C22orf15: variants seen among roughly 807,000 people sequenced by gnomAD.
C22orf15 encodes the protein chromosome 22 open reading frame 15.
C22orf15 carries 21 observed loss-of-function variants against 20.3 expected under a neutral mutation model. The observed-to-expected ratio is 1.04, with a 90% CI of 0.74 to 1.49. The LOEUF (loss-of-function observed/expected upper bound fraction) is 1.49. Among genes scored for constraint, C22orf15 ranks in the 40% most tolerant of loss-of-function variants. The probability of loss-of-function intolerance (pLI) is 0.00; values close to 1 mark genes in which losing one functional copy is unlikely to be tolerated. For missense variants in C22orf15, 170 were observed against 191.1 expected, an observed-to-expected ratio of 0.89 and a Z score of 0.65; for synonymous variants, 78 against 75.4, an observed-to-expected ratio of 1.03 and a Z score of -0.18.
At position 23,765,028 on chromosome 22, in the gene C22orf15, G is replaced by A. The variant is rs541460829; in HGVS notation, c.435+126G>A. ...GCAGGACAGACACATATGATGAGGG[G>A]CAGACCCTCAACACCAACTCCACGC... On this transcript the variant is annotated intron_variant, in intron 5 of 5. Coordinates refer to ENST00000402217, the MANE Select transcript of C22orf15 (RefSeq NM_182520.3). 4.0e-6 allele frequency: 6 copies of A among 1,499,834 alleles called. No homozygotes were observed. The South Asian group carries it at 4.0e-5, about 10-fold the overall frequency. The allele number at this position is 1,499,834 out of a possible 1,614,324, so 92.9% of individuals were successfully genotyped here.
At position 23,765,716 on chromosome 22, in the gene C22orf15, C is replaced by T; in HGVS notation, c.436-5C>T. ...ATTGCAACAGGGCTCCTCCTCCCCACCCAGGGCCCTGATTAAGGGGATGGA... is the reference window on the plus strand; with the variant it reads ...ATTGCAACAGGGCTCCTCCTCCCCATCCAGGGCCCTGATTAAGGGGATGGA... On this transcript the variant is annotated splice_region_variant and splice_polypyrimidine_tract_variant and intron_variant, in intron 5 of 5. Transcript: ENST00000402217. 6.5e-7 allele frequency: 1 copy of T among 1,550,014 alleles called. No homozygotes were observed.
chr22:23,764,838 G>A lies in C22orf15; in HGVS notation c.371G>A (p.Trp124Ter). 1 of 1,613,956 alleles carries A rather than the reference G, an allele frequency of 6.2e-7. No homozygotes were observed. Among genetic ancestry groups the A allele is most frequent in the Middle Eastern group, 1.7e-4 (1 of 6,060 alleles). The change falls in exon 5 of 6, where the codon TGG becomes TAG. Residue 124 changes from tryptophan (W) to a stop codon, truncating the protein, a stop_gained. Coordinates refer to ENST00000402217, the MANE Select transcript of C22orf15 (RefSeq NM_182520.3). LOFTEE classifies it high-confidence loss of function. ...LSGLSSVGHN[W>*]RKRMGTRRGR... ...GGCCTCTCCTCTGTGGGCCACAACT[G>A]GAGGAAGCGTATGGGCACTCGGCGA...
intron 5 of C22orf15, 55 bp downstream of exon 5, chr22:23,764,957 G>A: frequency 6.4e-7 from 1 of 1,562,408 alleles, no homozygotes; most frequent in Non-Finnish European, 8.6e-7. Flanking sequence ...CAGGTACAGA[G>A]CAGATTTGGA....
At chr22:23,764,548 G>T (rs1791791253) in intron 3 of C22orf15, 91 bp from the exon 4 acceptor site, 2 of 1,562,650 alleles carry the variant, frequency 1.3e-6, no homozygotes, top group African/African-American at 2.7e-5. Flanking sequence ...TCTGCTCCCA[G>T]CCTGGACTAG....
intron 5 of C22orf15, chr22:23,765,305 C>T: frequency 6.5e-7 from 1 of 1,537,096 alleles, no homozygotes; most frequent in Admixed American, 2.0e-5. Context: ...GGACCTGGCA[C>T]ACTACTGCCA....
At chr22:23,765,393 A>C in intron 5 of C22orf15, 1 of 1,551,034 alleles carries the variant, frequency 6.4e-7, no homozygotes, top group Non-Finnish European at 8.7e-7. Context: ...ACAGACAACA[A>C]CCCAGCAGGA....
At position 23,764,136 on chromosome 22, in the gene C22orf15, C is replaced by T. The variant is rs1313558140; in HGVS notation, c.75C>T (p.Thr25=). Residue 25 remains threonine (T), a synonymous_variant, in exon 2 of 6, where the codon ACC becomes ACT. Coordinates refer to ENST00000402217, the MANE Select transcript of C22orf15 (RefSeq NM_182520.3). ...CCTCTTGCAGGCTGGTGAACCTCAC[C>T]GCCCACCTGAGGCAGAAAGCAGGGT... is the stretch of plus-strand genomic sequence containing the variant. ...VNTSCRLVNL[T]AHLRQKAGLP... 3.9e-6 allele frequency: 6 copies of T among 1,551,350 alleles called. No homozygotes were observed. The highest frequency in any genetic ancestry group is 3.5e-6 in the Non-Finnish European group (4 of 1,146,996).
intron 1 of C22orf15, 44 bp downstream of exon 1, chr22:23,763,375 C>A (rs1361618107): frequency 5.2e-6 from 8 of 1,535,410 alleles, no homozygotes; most frequent in Middle Eastern, 1.9e-4. Flanking sequence ...GGGGGATGAG[C>A]ACACTCAGAG....
At chr22:23,764,542 C>T (rs1926371085) in intron 3 of C22orf15, 97 bp from the exon 4 acceptor site, 1 of 1,561,562 alleles carries the variant, frequency 6.4e-7, no homozygotes, top group Non-Finnish European at 8.8e-7. Context: ...CAATGCTCTG[C>T]TCCCAGCCTG....
At chr22:23,764,736 G>A (rs776068105) in intron 4 of C22orf15, 23 bp downstream of exon 4, 2 of 1,614,156 alleles carry the variant, frequency 1.2e-6, no homozygotes, top group Non-Finnish European at 1.7e-6. Flanking sequence ...GTACAGCCCA[G>A]GGGGAGGGCA....
At chr22:23,764,031 C>T (rs1926184911) in intron 1 of C22orf15, 56 bp from the exon 2 acceptor site, 10 of 1,516,426 alleles carry the variant, frequency 6.6e-6, no homozygotes, top group African/African-American at 1.4e-5. Flanking sequence ...GACAGAGGAC[C>T]CCGATTTGGA....
intron 3 of C22orf15, 109 bp downstream of exon 3, chr22:23,764,506 G>A (rs1253291388): frequency 6.4e-7 from 1 of 1,569,222 alleles, no homozygotes; most frequent in African/African-American, 1.3e-5. Context: ...CCTCGGCTGG[G>A]GACCTAGCCC....
chr22:23,763,564 G>A (rs181650778), intron 1 of C22orf15, among the ~76,000 whole-genome samples: 1 of 152,248 alleles, frequency 6.6e-6, no homozygotes, highest in African/African-American at 2.4e-5. Flanking sequence ...GTTCCTCTCG[G>A]CCAGAGACCG....
intron 1 of C22orf15, 118 bp downstream of exon 1, chr22:23,763,449 A>G (rs1343862534): frequency 3.2e-6 from 3 of 928,560 alleles, no homozygotes; most frequent in Non-Finnish European, 4.6e-6. Flanking sequence ...GGTGGTGCAC[A>G]TGGCGGGGGT....
intron 5 of C22orf15, 175 bp downstream of exon 5, chr22:23,765,077 A>G (rs1453726239): frequency 1.4e-6 from 2 of 1,451,774 alleles, no homozygotes; most frequent in Admixed American, 2.7e-5. Context: ...GATGGAACAC[A>G]CTGTACCCTG....
intron 5 of C22orf15, chr22:23,765,158 G>A (rs1926557849): frequency 7.0e-7 from 1 of 1,435,390 alleles, no homozygotes; most frequent in Non-Finnish European, 9.1e-7. Context: ...CTTCACAGAT[G>A]TGGCATAGGG....
At chr22:23,763,710 C>A (rs1311010481) in intron 1 of C22orf15, among the ~76,000 whole-genome samples, 1 of 152,268 alleles carries the variant, frequency 6.6e-6, no homozygotes, top group East Asian at 1.9e-4. Flanking sequence ...TGGCTGGAGG[C>A]GGGTCGGCCC....
intron 5 of C22orf15, chr22:23,765,131 GC>G (rs1926552899): frequency 9.1e-6 from 13 of 1,435,214 alleles, no homozygotes; most frequent in Non-Finnish European, 1.0e-5. Flanking sequence ...CGCACTAAGG[GC>G]CGGAATGTCC....
At chr22:23,763,475 T>C (rs1023139185) in intron 1 of C22orf15, 144 bp downstream of exon 1, 2 of 974,252 alleles carry the variant, frequency 2.1e-6, no homozygotes, top group Non-Finnish European at 1.5e-6. Context: ...GGGAAGCGGC[T>C]CTGTGAGGAG....
Sources: gnomAD v4.1 joint callset for allele counts (sites outside exome capture counted in the v4.1 genomes callset) on GRCh38, gnomAD v4.1.1 for gene constraint, MANE v1.5 for transcripts, NCBI Gene and HGNC (gene_info 2026-07-23, HGNC 2026-07-21) for gene names.